Variants in PSEN1 observed in about 807,000 individuals in gnomAD.
The protein encoded by PSEN1 is presenilin-1.
In PSEN1, 15 loss-of-function variants were observed where a neutral mutation model predicts 53.5. The observed-to-expected ratio is 0.28, with a 90% CI of 0.19 to 0.43. The LOEUF is 0.43. Ranked by LOEUF, PSEN1 falls within the 20% of genes least tolerant of loss-of-function variation. The pLI is 1.00. For synonymous variants in PSEN1, 208 were observed against 209.8 expected, an observed-to-expected ratio of 0.99 and a Z score of 0.08; for missense variants, 387 against 571.2, an observed-to-expected ratio of 0.68 and a Z score of 3.29.
chr14:73,139,472 T>C (rs1014803327), intron 1 of PSEN1: 1 of 150,188 alleles, frequency 6.7e-6, no homozygotes, highest in African/African-American at 2.5e-5. Flanking sequence ...TCCCAGCTAC[T>C]CGGGAGGTGA....
At chr14:73,172,132 C>G (rs1398755607) in intron 4 of PSEN1, among the ~76,000 whole-genome samples, 1 of 152,170 alleles carries the variant, frequency 6.6e-6, no homozygotes, top group Non-Finnish European at 1.5e-5. Context: ...TCTCTAGACT[C>G]CTGGGGGGCT....
chr14:73,217,353 G>A, intron 11 of PSEN1, 109 bp downstream of exon 11: 1 of 1,271,946 alleles, frequency 7.9e-7, no homozygotes, highest in Non-Finnish European at 1.1e-6. Flanking sequence ...AAATATTCCA[G>A]CTATCTGAGG....
intron 3 of PSEN1, among the ~76,000 whole-genome samples, chr14:73,159,047 T>C (rs983832420): frequency 6.6e-6 from 1 of 152,132 alleles, no homozygotes; most frequent in Non-Finnish European, 1.5e-5. Context: ...CATTTAAAAA[T>C]TGCTTTCTTA....
chr14:73,159,540 T>C (rs1897466206), intron 3 of PSEN1, among the ~76,000 whole-genome samples: 1 of 152,266 alleles, frequency 6.6e-6, no homozygotes, highest in Non-Finnish European at 1.5e-5. Flanking sequence ...AGTTCATTTT[T>C]CTGCATATGG....
chr14:73,186,017 T>C (rs919668963), intron 5 of PSEN1, among the ~76,000 whole-genome samples: 2 of 152,248 alleles, frequency 1.3e-5, no homozygotes, highest in African/African-American at 4.8e-5. Context: ...AACATTTTTG[T>C]AACAAAATGT....
At chr14:73,177,849 T>G (rs1482917287) in intron 5 of PSEN1, among the ~76,000 whole-genome samples, 1 of 152,238 alleles carries the variant, frequency 6.6e-6, no homozygotes, top group Non-Finnish European at 1.5e-5. Flanking sequence ...ATTTCTTTGT[T>G]CATTCTGTTT....
intron 3 of PSEN1, among the ~76,000 whole-genome samples, chr14:73,152,344 C>A (rs899479336): frequency 1.3e-5 from 2 of 151,470 alleles, no homozygotes; most frequent in African/African-American, 4.9e-5. Context: ...GGCATGGTGG[C>A]TCACACATGT....
chr14:73,218,989 T>A, intron 11 of PSEN1, 145 bp from the exon 12 acceptor site: 1 of 867,966 alleles, frequency 1.2e-6, no homozygotes, highest in South Asian at 1.4e-5. Context: ...TTCTTCCAGA[T>A]TGAATGAACG....
chr14:73,166,993 G>GATTT (rs141287499), intron 3 of PSEN1, among the ~76,000 whole-genome samples: 5,433 of 152,000 alleles, frequency 0.036, 257 homozygotes, highest in African/African-American at 0.1. Context: ...CAGACTGGGT[G>GATTT]ATTTATTTAT....
chr14:73,215,738 C>G (rs1445051754), intron 10 of PSEN1, among the ~76,000 whole-genome samples: 1 of 152,096 alleles, frequency 6.6e-6, no homozygotes, highest in South Asian at 2.1e-4. Context: ...CTAAAAAGCA[C>G]ATGAAAAGAT....
intron 9 of PSEN1, among the ~76,000 whole-genome samples, chr14:73,211,206 C>T (rs1209922775): frequency 6.6e-6 from 1 of 152,144 alleles, no homozygotes; most frequent in Non-Finnish European, 1.5e-5. Context: ...AATTTGGTGG[C>T]TCAGGGATGT....
intron 8 of PSEN1, among the ~76,000 whole-genome samples, chr14:73,204,966 G>A (rs1353685478): frequency 6.6e-6 from 1 of 152,160 alleles, no homozygotes; most frequent in Admixed American, 6.5e-5. Flanking sequence ...GTTAAACAGT[G>A]TATTGCCTGC....
In PSEN1 at chr14:73,203,470, C is replaced by T. The variant is rs533506110; in HGVS notation, c.869-2916C>T. Among the ~76,000 whole-genome samples the T allele has an allele frequency of 9.3e-4, 141 of 152,214 alleles. 2 individuals carry two copies. The highest frequency in any genetic ancestry group is 1.9e-3 in the Non-Finnish European group (126 of 68,008). Reference sequence around the variant, plus strand: ...TTAACAGAATGTAAGAAAACCACAACGCAATGCCGATGAGTACTTTTTCCC... The same window carrying T: ...TTAACAGAATGTAAGAAAACCACAATGCAATGCCGATGAGTACTTTTTCCC... On this transcript the variant is annotated intron_variant, in intron 8 of 11. Coordinates refer to ENST00000324501, the MANE Select transcript of PSEN1 (RefSeq NM_000021.4).
At chr14:73,213,603 C>T (rs1024213958) in intron 10 of PSEN1, among the ~76,000 whole-genome samples, 1 of 152,194 alleles carries the variant, frequency 6.6e-6, no homozygotes, top group African/African-American at 2.4e-5. Context: ...GTTCAGTTGA[C>T]ACTATAGGTC....
At chr14:73,213,485 A>G (rs922765155) in intron 10 of PSEN1, among the ~76,000 whole-genome samples, 13 of 152,104 alleles carry the variant, frequency 8.5e-5, no homozygotes, top group African/African-American at 1.2e-4. Context: ...TCTGAAGCCA[A>G]TGCAAAGTAA....
chr14:73,197,932 AC>A (rs1457317859), intron 7 of PSEN1, 98 bp from the exon 8 acceptor site: 3 of 718,462 alleles, frequency 4.2e-6, no homozygotes, highest in Admixed American at 2.1e-5. Context: ...GAGACAAAAA[AC>A]ATTAAACTTT....
At chr14:73,194,140 C>T (rs766199156) in intron 7 of PSEN1, among the ~76,000 whole-genome samples, 7 of 152,178 alleles carry the variant, frequency 4.6e-5, no homozygotes, top group Non-Finnish European at 1.0e-4. Flanking sequence ...CTTTCAGGTA[C>T]GTACTCTGTG....
At chr14:73,198,005 T>C in intron 7 of PSEN1, 26 bp from the exon 8 acceptor site, 1 of 1,278,232 alleles carries the variant, frequency 7.8e-7, no homozygotes, top group East Asian at 2.3e-5. Flanking sequence ...TTTTATTAGA[T>C]GTCTTTTATG....
At position 73,219,889 on chromosome 14, in the gene PSEN1, T is replaced by C. The variant is rs199951672; in HGVS notation, c.*600T>C. ...TTTTTAAATGAGACTTGTTTTCCCC[T>C]CTCTTTGAGTCAAGTCAAATATGTA... On this transcript the variant is annotated 3_prime_UTR_variant, in exon 12 of 12. Transcript: ENST00000324501. 1.3e-5 allele frequency: 2 copies of C among 154,596 alleles called. No individual in the cohort carries two copies. The highest frequency in any genetic ancestry group is 2.9e-5 in the Non-Finnish European group (2 of 69,668). The allele number at this position is 154,596 out of a possible 1,614,324, so 9.6% of individuals were successfully genotyped here.
Sources: allele counts gnomAD v4.1 joint callset (sites outside exome capture counted in the v4.1 genomes callset), GRCh38; gene constraint gnomAD v4.1.1; transcripts MANE v1.5; gene names NCBI Gene and HGNC (gene_info 2026-07-23, HGNC 2026-07-21).